Variants in HES1 observed in about 807,000 individuals in gnomAD.
The protein encoded by HES1 is hes family bHLH transcription factor 1.
Under a neutral mutation model 21.0 loss-of-function variants are expected in HES1, and 7 were observed. The observed-to-expected ratio is 0.33, with a 90% CI of 0.19 to 0.63. The LOEUF (loss-of-function observed/expected upper bound fraction) is 0.63, where lower values mean the gene tolerates loss of function less well. HES1 is among the 20% of genes least tolerant of loss of function. The pLI is 0.78. For synonymous variants in HES1, 169 were observed against 171.2 expected, an observed-to-expected ratio of 0.99 and a Z score of 0.10; for missense variants, 338 against 389.8, an observed-to-expected ratio of 0.87 and a Z score of 1.12.
At position 194,138,343 on chromosome 3, in the gene HES1, G is replaced by A. The variant is rs565442140; in HGVS notation, c.*110G>A. ...GAGAAGAGGACTTTTTTGATTAAGT[G>A]GTTACTTTGTGTTTTTTTAATTTCT... On this transcript the variant is annotated 3_prime_UTR_variant, in exon 4 of 4. Transcript: ENST00000232424. 13 of 1,162,104 alleles carry A rather than the reference G, an allele frequency of 1.1e-5. No individual in the cohort carries two copies. Among genetic ancestry groups the A allele is most frequent in the Middle Eastern group, 2.3e-4 (1 of 4,316 alleles). The allele number at this position is 1,162,104 out of a possible 1,614,324, so 72.0% of individuals were successfully genotyped here. A position where few individuals can be genotyped will look rare whatever the true frequency, so the allele number is the denominator to read the frequency against.
rs377586700 is a variant in HES1 at position 194,137,090 on chromosome 3, T to G, written c.292+42T>G. The G allele has an allele frequency of 6.7e-4, 1,036 of 1,536,112 alleles. 3 individuals are homozygous for G. The highest frequency in any genetic ancestry group is 1.2e-3 in the Middle Eastern group (7 of 5,692). On this transcript the variant is annotated intron_variant, in intron 3 of 3. Transcript: ENST00000232424. The surrounding 1 kb of genome is among the most constrained non-coding windows in gnomAD (Gnocchi z 5.4). ...GCGTCCCCCTGTGCGGGCGTCCCGC[T>G]CGCCTCGCGGTGATTTCTTCCAGAC...
At position 194,138,146 on chromosome 3, in the gene HES1, C is replaced by T. The variant is rs1347363951; in HGVS notation, c.756C>T (p.Ser252=). Residue 252 remains serine, a synonymous_variant, in exon 4 of 4, where the codon AGC becomes AGT. Transcript: ENST00000232424. ...GPVIPVYTSN[S]GTSVGPNAVS... ...TCATCCCCGTCTACACCAGCAACAG[C>T]GGCACCTCCGTGGGCCCCAACGCAG... 1.2e-6 allele frequency: 2 copies of T among 1,612,514 alleles called. No individual in the cohort carries two copies. The highest frequency in any genetic ancestry group is 2.2e-5 in the East Asian group (1 of 44,830).
rs1715372643 is a variant in HES1 at position 194,137,448 on chromosome 3, TGA to T, written c.293-232_293-231del. 6.6e-6 allele frequency among the ~76,000 whole-genome samples: 1 copy of T among 152,004 alleles called. No individual in the cohort carries two copies. The highest frequency in any genetic ancestry group is 2.4e-5 in the African/African-American group (1 of 41,374). On this transcript the variant is annotated intron_variant, in intron 3 of 3. Coordinates refer to ENST00000232424, the MANE Select transcript of HES1 (RefSeq NM_005524.4). This position sits in a 1 kb window ranked among gnomAD's most constrained non-coding sequence, Gnocchi z 5.4. ...GGGGTGGGGGTGACAGATCTGGGGC[TGA>T]GATAGGTTTAAATGCAGCTACAGGG...
rs1178517306 is a variant in HES1 at position 194,137,747 on chromosome 3, C to G, written c.357C>G (p.Asn119Lys). 1 of 1,613,740 alleles carries G rather than the reference C, an allele frequency of 6.2e-7. No individual in the cohort carries two copies. The highest frequency in any genetic ancestry group is 8.5e-7 in the Non-Finnish European group (1 of 1,179,898). ...GAGCCGGCTTCAGCGAGTGCATGAA[C>G]GAGGTGACCCGCTTCCTGTCCACGT... ...KYRAGFSECMNEVTRFLSTCE... is the reference protein window; with the variant it reads ...KYRAGFSECMKEVTRFLSTCE... Residue 119 changes from asparagine to lysine, a missense_variant, in exon 4 of 4, where the codon AAC becomes AAG. Asn to Lys is a moderately conservative substitution (Grantham distance 94, BLOSUM62 0). Coordinates refer to ENST00000232424, the MANE Select transcript of HES1 (RefSeq NM_005524.4). The surrounding 1 kb of genome is among the most constrained non-coding windows in gnomAD (Gnocchi z 5.4).
In HES1 at chr3:194,137,204, C is replaced by T. The variant is rs1358911472; in HGVS notation, c.292+156C>T. ...CCACGGTCTGGGGCTTATTTATAGCCACAACTCCAAGTTGTTACTGTTCCG... is the reference window on the plus strand; with the variant it reads ...CCACGGTCTGGGGCTTATTTATAGCTACAACTCCAAGTTGTTACTGTTCCG... On this transcript the variant is annotated intron_variant, in intron 3 of 3. Coordinates refer to ENST00000232424, the MANE Select transcript of HES1 (RefSeq NM_005524.4). This position sits in a 1 kb window ranked among gnomAD's most constrained non-coding sequence, Gnocchi z 5.4. 2 of 670,300 alleles carry T rather than the reference C, an allele frequency of 3.0e-6. No homozygotes were observed. Among genetic ancestry groups the T allele is most frequent in the Non-Finnish European group, 5.3e-6 (2 of 379,306 alleles). 41.5% of individuals were successfully genotyped at this position (670,300 alleles called of 1,614,324 possible).
Position 194,138,332 on chromosome 3 carries a change from TTTGA to T in HES1, c.*102_*105del. On this transcript the variant is annotated 3_prime_UTR_variant, in exon 4 of 4. Transcript: ENST00000232424. ...GAATACTGGGAGAGAAGAGGACTTT[TTTGA>T]TTAAGTGGTTACTTTGTGTTTTTTT... The T allele has an allele frequency of 8.1e-7, 1 of 1,228,746 alleles. No individual in the cohort carries two copies. Among genetic ancestry groups the T allele is most frequent in the Non-Finnish European group, 1.1e-6 (1 of 930,586 alleles). 76.1% of individuals were successfully genotyped at this position (1,228,746 alleles called of 1,614,324 possible).
At chr3:194,136,750 A>T (rs1272082905) in intron 2 of HES1, 38 bp downstream of exon 2, 1 of 1,557,754 alleles carries the variant, frequency 6.4e-7, no homozygotes, top group South Asian at 1.1e-5. Flanking sequence ...TTAATTAAAA[A>T]ACAAACACTT....
In HES1 at chr3:194,136,597, ACT is replaced by A. The variant is rs1465878185; in HGVS notation, c.109-17_109-16del. On this transcript the variant is annotated intron_variant, in intron 1 of 3. Transcript: ENST00000232424. Reference sequence around the variant, plus strand: ...ATGGCAGATTCCATGGGAACACAGAACTCTTTTTTTTATTTGCAGTCATCAAA... The same window carrying A: ...ATGGCAGATTCCATGGGAACACAGAACTTTTTTTTATTTGCAGTCATCAAA... 4.4e-6 allele frequency: 7 copies of A among 1,596,416 alleles called. No homozygotes were observed. The South Asian group carries it at 7.9e-5, about 18-fold the overall frequency.
chr3:194,136,220 G>C lies in HES1; in HGVS notation c.-161G>C. 1 of 597,998 alleles carries C rather than the reference G, an allele frequency of 1.7e-6. No individual in the cohort carries two copies. The highest frequency in any genetic ancestry group is 2.2e-5 in the South Asian group (1 of 46,080). The allele number at this position is 597,998 out of a possible 1,614,324, so 37.0% of individuals were successfully genotyped here. ...CCTCTCTCCTTGGTCCTGGAACAGCGCTACTGATCACCAAGTAGCCACAAA... is the reference window on the plus strand; with the variant it reads ...CCTCTCTCCTTGGTCCTGGAACAGCCCTACTGATCACCAAGTAGCCACAAA... On this transcript the variant is annotated 5_prime_UTR_variant, in exon 1 of 4. Coordinates refer to ENST00000232424, the MANE Select transcript of HES1 (RefSeq NM_005524.4).
rs1715366149 is a variant in HES1, at chr3:194,137,214, A to C, written c.292+166A>C. On this transcript the variant is annotated intron_variant, in intron 3 of 3. Coordinates refer to ENST00000232424, the MANE Select transcript of HES1 (RefSeq NM_005524.4). The surrounding 1 kb of genome is among the most constrained non-coding windows in gnomAD (Gnocchi z 5.4). ...GGGCTTATTTATAGCCACAACTCCA[A>C]GTTGTTACTGTTCCGGAAAGGGAGG... is the stretch of plus-strand genomic sequence containing the variant. The C allele has an allele frequency of 1.5e-6, 1 of 658,082 alleles. No individual in the cohort carries two copies. 40.8% of individuals were successfully genotyped at this position (658,082 alleles called of 1,614,324 possible).
intron 1 of HES1, 51 bp from the exon 2 acceptor site, chr3:194,136,566 C>A (rs1715343586): frequency 1.9e-6 from 3 of 1,573,388 alleles, no homozygotes; most frequent in Non-Finnish European, 2.6e-6. Context: ...GTCTTGAAAC[C>A]CCGGGATGGC....
Position 194,138,396 on chromosome 3 carries a change from G to T in HES1, c.*163G>T. 1.6e-6 allele frequency: 1 copy of T among 617,546 alleles called. No homozygotes were observed. The allele number at this position is 617,546 out of a possible 1,614,324, so 38.3% of individuals were successfully genotyped here. A position where few individuals can be genotyped will look rare whatever the true frequency, so the allele number is the denominator to read the frequency against. On this transcript the variant is annotated 3_prime_UTR_variant, in exon 4 of 4. Transcript: ENST00000232424. ...GAAGTTACTTTTTGTAGAGAGAGCT[G>T]TATTAAGTGACTGACCATGCACTAT...
Position 194,137,347 on chromosome 3 carries a change from T to A in HES1, c.292+299T>A. 5.3e-6 allele frequency: 3 copies of A among 570,914 alleles called. No homozygotes were observed. Among genetic ancestry groups the A allele is most frequent in the Non-Finnish European group, 9.4e-6 (3 of 319,776 alleles). 35.4% of individuals were successfully genotyped at this position (570,914 alleles called of 1,614,324 possible). ...AGCCTGGGGGTCACTGGTTTAGCAC[T>A]CCTTCCCGTTGCAGAAGGGGAAATG... On this transcript the variant is annotated intron_variant, in intron 3 of 3. Coordinates refer to ENST00000232424, the MANE Select transcript of HES1 (RefSeq NM_005524.4). This position sits in a 1 kb window ranked among gnomAD's most constrained non-coding sequence, Gnocchi z 5.4.
At chr3:194,136,886 C>A in intron 2 of HES1, 75 bp from the exon 3 acceptor site, 2 of 1,475,736 alleles carry the variant, frequency 1.4e-6, no homozygotes, top group Non-Finnish European at 1.9e-6. Context: ...CGCTCCGTGG[C>A]CGGGAGGAGG....
At position 194,138,043 on chromosome 3, in the gene HES1, G is replaced by A; in HGVS notation, c.653G>A (p.Gly218Asp). Residue 218 changes from glycine (G) to aspartate (D), a missense_variant, in exon 4 of 4, where the codon GGC (glycine) becomes GAC (aspartate). Physicochemically the swap from Gly to Asp is moderately conservative, Grantham distance 94. Transcript: ENST00000232424. ...QAGEAAKVFG[G>D]FQVVPAPDGQ... ...GGAGAGGCGGCTAAGGTGTTTGGAG[G>A]CTTCCAGGTGGTACCGGCTCCCGAT... The A allele has an allele frequency of 6.2e-7, 1 of 1,603,390 alleles. No individual in the cohort carries two copies. Among genetic ancestry groups the A allele is most frequent in the Non-Finnish European group, 8.5e-7 (1 of 1,175,872 alleles).
chr3:194,137,557 C>A lies in HES1; in HGVS notation c.293-126C>A. On this transcript the variant is annotated intron_variant, in intron 3 of 3. Coordinates refer to ENST00000232424, the MANE Select transcript of HES1 (RefSeq NM_005524.4). This position sits in a 1 kb window ranked among gnomAD's most constrained non-coding sequence, Gnocchi z 5.4. ...GTTTTTTCTAAACCCATCTCACCCTCCCTGCCGGAGGCAGTTTCACGGGCG... is the reference window on the plus strand; with the variant it reads ...GTTTTTTCTAAACCCATCTCACCCTACCTGCCGGAGGCAGTTTCACGGGCG... 2.0e-6 allele frequency: 2 copies of A among 1,014,548 alleles called. No individual in the cohort carries two copies. The highest frequency in any genetic ancestry group is 3.3e-5 in the African/African-American group (2 of 61,138). 62.8% of individuals were successfully genotyped at this position (1,014,548 alleles called of 1,614,324 possible). A position where few individuals can be genotyped will look rare whatever the true frequency, so the allele number is the denominator to read the frequency against.
rs771094115 is a variant in HES1 at position 194,137,066 on chromosome 3, C to T, written c.292+18C>T. ...GATGACGGGTGAGGGCGGCTCGCCG[C>T]GTCCCCCTGTGCGGGCGTCCCGCTC... is the stretch of plus-strand genomic sequence containing the variant. On this transcript the variant is annotated intron_variant, in intron 3 of 3. Coordinates refer to ENST00000232424, the MANE Select transcript of HES1 (RefSeq NM_005524.4). This position sits in a 1 kb window ranked among gnomAD's most constrained non-coding sequence, Gnocchi z 5.4. 3.1e-6 allele frequency: 5 copies of T among 1,607,420 alleles called. No homozygotes were observed. The highest frequency in any genetic ancestry group is 4.5e-5 in the East Asian group (2 of 44,836).
chr3:194,138,284 C>A lies in HES1; in HGVS notation c.*51C>A. On this transcript the variant is annotated 3_prime_UTR_variant, in exon 4 of 4. Coordinates refer to ENST00000232424, the MANE Select transcript of HES1 (RefSeq NM_005524.4). ...AAACTCCCCAACCCACCTCTCTTCC[C>A]TCCGGACTCTAAACAGGAACTTGAA... 1 of 1,449,550 alleles carries A rather than the reference C, an allele frequency of 6.9e-7. No homozygotes were observed. Among genetic ancestry groups the A allele is most frequent in the Non-Finnish European group, 9.1e-7 (1 of 1,099,492 alleles). The allele number at this position is 1,449,550 out of a possible 1,614,324, so 89.8% of individuals were successfully genotyped here.
Position 194,138,154 on chromosome 3 carries a change from C to A in HES1, c.764C>A (p.Ser255Tyr). Reference sequence around the variant, plus strand: ...GTCTACACCAGCAACAGCGGCACCTCCGTGGGCCCCAACGCAGTGTCACCT... The same window carrying A: ...GTCTACACCAGCAACAGCGGCACCTACGTGGGCCCCAACGCAGTGTCACCT... ...IPVYTSNSGT[S>Y]VGPNAVSPSS... Residue 255 changes from serine to tyrosine, a missense_variant, in exon 4 of 4, where the codon TCC (serine) becomes TAC (tyrosine). Transcript: ENST00000232424. 9 of 1,612,392 alleles carry A rather than the reference C, an allele frequency of 5.6e-6. No homozygotes were observed. The highest frequency in any genetic ancestry group is 5.1e-6 in the Non-Finnish European group (6 of 1,179,438).
Sources: gnomAD v4.1 joint callset for allele counts (sites outside exome capture counted in the v4.1 genomes callset) on GRCh38, gnomAD v4.1.1 for gene constraint, Gnocchi (gnomAD v3.1) non-coding constraint, MANE v1.5 for transcripts, NCBI Gene and HGNC (gene_info 2026-07-23, HGNC 2026-07-21) for gene names.